The following DLAT variants were observed in gnomAD, a reference collection of about 807,000 sequenced individuals.
DLAT encodes dihydrolipoamide S-acetyltransferase.
Under a neutral mutation model 68.0 loss-of-function variants are expected in DLAT, and 43 were observed. The ratio of observed to expected loss-of-function variants is 0.63; its 90% CI spans 0.50 to 0.81. DLAT has a LOEUF of 0.81. DLAT is among the 40% of genes least tolerant of loss of function. The probability of loss-of-function intolerance (pLI) is 0.00; values close to 1 mark genes in which losing one functional copy is unlikely to be tolerated. For missense variants in DLAT, 745 were observed against 815.4 expected (o/e 0.91, Z 1.05); for synonymous variants, 265 against 288.6 (o/e 0.92, Z 0.83).
rs1421123060 is a variant in DLAT at position 112,051,344 on chromosome 11, A to G, written c.1509A>G (p.Ile503Met). The G allele has an allele frequency of 2.5e-6, 4 of 1,602,648 alleles. No individual in the cohort carries two copies. The highest frequency in any genetic ancestry group is 3.4e-6 in the Non-Finnish European group (4 of 1,170,010). ...ATTCTTCTTGGATGGACACAGTTATAAGACAGTAAGTATAACTGGGGAAGA... is the reference window on the plus strand; with the variant it reads ...ATTCTTCTTGGATGGACACAGTTATGAGACAGTAAGTATAACTGGGGAAGA... The part of the protein sequence containing the change: ...EANSSWMDTV[I>M]RQNHVVDVSV... The change falls in exon 11 of 14, where the codon ATA becomes ATG. Residue 503 changes from isoleucine to methionine, a missense_variant. Ile to Met is a conservative substitution (Grantham distance 10). Coordinates refer to ENST00000280346, the MANE Select transcript of DLAT (RefSeq NM_001931.5). This position sits in a 1 kb window ranked among gnomAD's most constrained non-coding sequence, Gnocchi z 4.3.
chr11:112,041,735 A>T (rs1863061684), intron 7 of DLAT, among the ~76,000 whole-genome samples: 1 of 152,198 alleles, frequency 6.6e-6, no homozygotes, highest in African/African-American at 2.4e-5. Context: ...CAAAAAAATT[A>T]GCTGGGCATG....
intron 11 of DLAT, among the ~76,000 whole-genome samples, chr11:112,054,881 CCA>C (rs1215152366): frequency 6.6e-6 from 1 of 152,136 alleles, no homozygotes; most frequent in African/African-American, 2.4e-5. Context: ...TTGCATAACT[CCA>C]GTCTCTTCTT....
intron 2 of DLAT, 70 bp downstream of exon 2, chr11:112,026,369 C>A (rs1862013533): frequency 4.6e-6 from 4 of 876,272 alleles, no homozygotes; most frequent in South Asian, 2.1e-5. Flanking sequence ...GTGTTTCTCG[C>A]AGAGGGGGAT....
At position 112,033,515 on chromosome 11, in the gene DLAT, G is replaced by C. The variant is rs1555180134; in HGVS notation, c.772G>C (p.Asp258His). 1 of 1,613,756 alleles carries C rather than the reference G, an allele frequency of 6.2e-7. No homozygotes were observed. The highest frequency in any genetic ancestry group is 2.2e-5 in the East Asian group (1 of 44,868). The change falls in exon 5 of 14, where the codon GAC becomes CAC. Residue 258 changes from aspartate (D) to histidine (H), a missense_variant. Physicochemically the swap from Asp to His is moderately conservative, Grantham distance 81. Coordinates refer to ENST00000280346, the MANE Select transcript of DLAT (RefSeq NM_001931.5). ...EGDLLAEIET[D>H]KATIGFEVQE... The stretch of plus-strand genomic sequence containing the variant: ...AGACTTACTGGCAGAGATAGAAACT[G>C]ACAAAGCCACTATAGGTGAGATTTC...
chr11:112,026,077 T>C lies in DLAT; in HGVS notation c.280-121T>C, dbSNP rs670838. 8,656 of 874,970 alleles carry C rather than the reference T, an allele frequency of 9.9e-3. 530 individuals carry two copies. In the African/African-American group the frequency reaches 0.13, roughly 13 times the overall value. 54.2% of individuals were successfully genotyped at this position (874,970 alleles called of 1,614,324 possible). On this transcript the variant is annotated intron_variant, in intron 1 of 13. Transcript: ENST00000280346. Reference sequence around the variant, plus strand: ...ACAGGAACTCCCTTGGCATCCCTAGTTCCCAATGTGCAATGGAACTGTATA... The same window carrying C: ...ACAGGAACTCCCTTGGCATCCCTAGCTCCCAATGTGCAATGGAACTGTATA...
At chr11:112,046,905 T>G (rs1210823799) in intron 10 of DLAT, among the ~76,000 whole-genome samples, 1 of 152,230 alleles carries the variant, frequency 6.6e-6, no homozygotes, top group Non-Finnish European at 1.5e-5. Flanking sequence ...TCTTTGCTAT[T>G]GGGAACAGTG....
chr11:112,039,042 A>G (rs1207965986), intron 6 of DLAT, among the ~76,000 whole-genome samples: 8 of 152,180 alleles, frequency 5.3e-5, no homozygotes, highest in African/African-American at 1.9e-4. Context: ...TCTTTGATAT[A>G]GAAGTATATT....
At chr11:112,048,638 A>C (rs572548) in intron 10 of DLAT, among the ~76,000 whole-genome samples, 1 of 151,946 alleles carries the variant, frequency 6.6e-6, no homozygotes, top group African/African-American at 2.4e-5. Context: ...GGTTCAAGCA[A>C]TTCTCGTCCC....
Position 112,051,095 on chromosome 11 carries a change from GGGTTGACAGGT to G in DLAT, c.1399-137_1399-127del, listed in dbSNP as rs1169143501. ...ATGTGAGGCCTAATACCTGGGTGAT[GGGTTGACAGGT>G]GCAGCAAACCACCATGGCACATGTT... On this transcript the variant is annotated intron_variant, in intron 10 of 13. Coordinates refer to ENST00000280346, the MANE Select transcript of DLAT (RefSeq NM_001931.5). This position sits in a 1 kb window ranked among gnomAD's most constrained non-coding sequence, Gnocchi z 4.3. 1.6e-6 allele frequency: 1 copy of G among 611,674 alleles called. No individual in the cohort carries two copies. The highest frequency in any genetic ancestry group is 2.9e-5 in the Admixed American group (1 of 34,598). 37.9% of individuals were successfully genotyped at this position (611,674 alleles called of 1,614,324 possible).
intron 11 of DLAT, among the ~76,000 whole-genome samples, chr11:112,059,634 C>A (rs1480291066): frequency 6.6e-6 from 1 of 152,138 alleles, no homozygotes; most frequent in Non-Finnish European, 1.5e-5. Flanking sequence ...TTCAAGTGAT[C>A]CGCCCACCTC....
chr11:112,062,549 T>C lies in DLAT; in HGVS notation c.*14T>C. The C allele has an allele frequency of 1.2e-6, 2 of 1,611,958 alleles. No individual in the cohort carries two copies. The highest frequency in any genetic ancestry group is 8.5e-7 in the Non-Finnish European group (1 of 1,179,766). ...ATGTTGTTGTAACTAACTCAAGAAT[T>C]TCTAAACTCTCCCAGGTCACACTGA... On this transcript the variant is annotated 3_prime_UTR_variant, in exon 14 of 14. Transcript: ENST00000280346.
At position 112,051,134 on chromosome 11, in the gene DLAT, C is replaced by T. The variant is rs759395308; in HGVS notation, c.1399-100C>T. 2 of 786,306 alleles carry T rather than the reference C, an allele frequency of 2.5e-6. No individual in the cohort carries two copies. Among genetic ancestry groups the T allele is most frequent in the African/African-American group, 3.5e-5 (2 of 56,958 alleles). The allele number at this position is 786,306 out of a possible 1,614,324, so 48.7% of individuals were successfully genotyped here. On this transcript the variant is annotated intron_variant, in intron 10 of 13. Coordinates refer to ENST00000280346, the MANE Select transcript of DLAT (RefSeq NM_001931.5). The surrounding 1 kb of genome is among the most constrained non-coding windows in gnomAD (Gnocchi z 4.3). ...AGCAAACCACCATGGCACATGTTTA[C>T]CTATATAATAAACCTGGACATTCTG...
At chr11:112,037,845 A>G (rs1429576213) in intron 6 of DLAT, among the ~76,000 whole-genome samples, 1 of 150,290 alleles carries the variant, frequency 6.7e-6, no homozygotes, top group East Asian at 2.0e-4. Flanking sequence ...TGGTGCAATC[A>G]TAGCTCACTT....
chr11:112,055,943 T>C (rs1040367888), intron 11 of DLAT, among the ~76,000 whole-genome samples: 1 of 137,248 alleles, frequency 7.3e-6, no homozygotes, highest in Admixed American at 7.7e-5. Context: ...TCTCCGCTCA[T>C]TGCAACCTCC....
At chr11:112,060,681 G>A (rs1367756695) in intron 12 of DLAT, among the ~76,000 whole-genome samples, 1 of 151,866 alleles carries the variant, frequency 6.6e-6, no homozygotes, top group Admixed American at 6.6e-5. Flanking sequence ...GGCCAGGCTG[G>A]TTTCAAACTC....
chr11:112,064,155 C>T lies in DLAT; in HGVS notation c.*1620C>T, dbSNP rs188958332. ...GGACCATCATCAATATGATCCAAAT[C>T]TGGTTCAAACATTCAAAACTTCAAA... is the stretch of plus-strand genomic sequence containing the variant. On this transcript the variant is annotated 3_prime_UTR_variant, in exon 14 of 14. Transcript: ENST00000280346. 528 of 1,555,156 alleles carry T rather than the reference C, an allele frequency of 3.4e-4. 3 individuals carry two copies. In the African/African-American group the frequency reaches 6.3e-3, roughly 18 times the overall value.
intron 13 of DLAT, 55 bp downstream of exon 13, chr11:112,061,229 T>C: frequency 6.2e-7 from 1 of 1,603,472 alleles, no homozygotes; most frequent in Non-Finnish European, 8.5e-7. Context: ...CACTGTACAC[T>C]TGTCCTGTGG....
chr11:112,033,015 G>C (rs1004123374), intron 4 of DLAT, among the ~76,000 whole-genome samples: 3 of 152,150 alleles, frequency 2.0e-5, no homozygotes, highest in Non-Finnish European at 4.4e-5. Context: ...AGTGAGCCGA[G>C]ATTGCGCCAT....
chr11:112,026,538 G>A (rs1441624415), intron 2 of DLAT, among the ~76,000 whole-genome samples: 1 of 151,990 alleles, frequency 6.6e-6, no homozygotes, highest in Admixed American at 6.6e-5. Context: ...TAAGGAGCAT[G>A]CTGCCTTCAA....
Sources: gnomAD v4.1 joint callset for allele counts (sites outside exome capture counted in the v4.1 genomes callset) on GRCh38, gnomAD v4.1.1 for gene constraint, Gnocchi (gnomAD v3.1) non-coding constraint, MANE v1.5 for transcripts, NCBI Gene and HGNC (gene_info 2026-07-23, HGNC 2026-07-21) for gene names.